The following PIGL variants were observed in gnomAD, a reference collection of about 807,000 sequenced individuals.
PIGL encodes the protein phosphatidylinositol glycan anchor biosynthesis class L.
A neutral mutation model predicts 31.1 loss-of-function variants in PIGL; 22 were observed. The ratio of observed to expected loss-of-function variants is 0.71; its 90% confidence interval spans 0.51 to 1.01. The LOEUF (loss-of-function observed/expected upper bound fraction) is 1.01. Ranked by LOEUF, PIGL falls within the 50% of genes least tolerant of loss-of-function variation. The pLI, the probability that PIGL is intolerant of heterozygous loss-of-function variation, is 0.00. For missense variants in PIGL, 302 were observed against 315.9 expected (o/e 0.96, Z 0.33); for synonymous variants, 131 against 117.4 (o/e 1.12, Z -0.75).
intron 2 of PIGL, among the ~76,000 whole-genome samples, chr17:16,270,499 A>C (rs1195124199): frequency 1.3e-5 from 2 of 152,154 alleles, no homozygotes; most frequent in East Asian, 3.9e-4. Flanking sequence ...AATTAATTTC[A>C]AATTTATTAA....
chr17:16,261,118 CAAAAA>C (rs34019457), intron 2 of PIGL, among the ~76,000 whole-genome samples: 1 of 118,922 alleles, frequency 8.4e-6, no homozygotes. Flanking sequence ...GACTCTATCT[CAAAAA>C]AAAAAAAAAA....
intron 6 of PIGL, 27 bp downstream of exon 6, chr17:16,317,935 C>G: frequency 6.4e-7 from 1 of 1,562,724 alleles, no homozygotes; most frequent in East Asian, 2.3e-5. Context: ...CCTGGACACC[C>G]CAACTCAGAT....
At chr17:16,276,447 C>T (rs7211754) in intron 2 of PIGL, among the ~76,000 whole-genome samples, 1 of 152,172 alleles carries the variant, frequency 6.6e-6, no homozygotes, top group African/African-American at 2.4e-5. Context: ...TAAGACTAGA[C>T]TCTGGCCGGG....
chr17:16,271,867 T>C (rs139210536), intron 2 of PIGL, among the ~76,000 whole-genome samples: 2 of 152,302 alleles, frequency 1.3e-5, no homozygotes, highest in East Asian at 3.9e-4. Context: ...CACTTGTTTA[T>C]CTGAAATTCA....
intron 2 of PIGL, among the ~76,000 whole-genome samples, chr17:16,277,080 C>T (rs2092899004): frequency 6.6e-6 from 1 of 152,162 alleles, no homozygotes; most frequent in African/African-American, 2.4e-5. Context: ...CTTGGGGCTC[C>T]TGGACTTGTC....
At chr17:16,288,526 CTTTTCTTT>C (rs1335458083) in intron 2 of PIGL, among the ~76,000 whole-genome samples, 2 of 145,202 alleles carry the variant, frequency 1.4e-5, no homozygotes, top group Non-Finnish European at 1.5e-5. Context: ...TTCTTTTTTT[CTTTTCTTT>C]TTTTTCTTTT....
At chr17:16,271,141 G>C (rs1364256974) in intron 2 of PIGL, among the ~76,000 whole-genome samples, 4 of 152,086 alleles carry the variant, frequency 2.6e-5, no homozygotes, top group Non-Finnish European at 4.4e-5. Flanking sequence ...CCTAAAGCTA[G>C]ACTCAAAAAT....
chr17:16,241,089 G>A lies in PIGL; in HGVS notation c.335+7019G>A, dbSNP rs28566930. ...AAATCACGCCATTGCACTTCAGCCT[G>A]GGCAACAAAAACGAAACTCCCTCTC... On this transcript the variant is annotated intron_variant, in intron 2 of 6. Transcript: ENST00000225609. 7.4e-3 allele frequency among the ~76,000 whole-genome samples: 1,053 copies of A among 142,794 alleles called. 4 individuals carry two copies. The highest frequency in any genetic ancestry group is 0.019 in the Middle Eastern group (5 of 258). The allele number at this position is 142,794 out of a possible 152,430, so 93.7% of individuals were successfully genotyped here. A position where few individuals can be genotyped will look rare whatever the true frequency, so the allele number is the denominator to read the frequency against.
intron 2 of PIGL, among the ~76,000 whole-genome samples, chr17:16,240,266 G>A (rs1286448985): frequency 6.6e-6 from 1 of 152,048 alleles, no homozygotes. Context: ...CCTCAAAAGT[G>A]GAAACTGCTA....
chr17:16,296,910 T>C (rs1445023406), intron 2 of PIGL, among the ~76,000 whole-genome samples: 1 of 151,652 alleles, frequency 6.6e-6, no homozygotes, highest in Non-Finnish European at 1.5e-5. Flanking sequence ...TTAGTAGAGA[T>C]GGGGTTTCAC....
chr17:16,316,571 T>C (rs544917321), intron 4 of PIGL, 110 bp from the exon 5 acceptor site: 1 of 1,051,442 alleles, frequency 9.5e-7, no homozygotes, highest in Non-Finnish European at 1.4e-6. Flanking sequence ...ACCTGGAGAC[T>C]CACATGGAGG....
chr17:16,321,055 A>G (rs2093103451), intron 6 of PIGL, among the ~76,000 whole-genome samples: 1 of 150,168 alleles, frequency 6.7e-6, no homozygotes, highest in Non-Finnish European at 1.5e-5. Context: ...CTCCTGCCTC[A>G]GCCTCTCAAG....
chr17:16,291,143 T>C (rs1376732929), intron 2 of PIGL, among the ~76,000 whole-genome samples: 5 of 152,212 alleles, frequency 3.3e-5, no homozygotes, highest in Non-Finnish European at 7.3e-5. Flanking sequence ...TCAGCCCCAT[T>C]AGTGCTTGTA....
chr17:16,270,057 C>T (rs963386489), intron 2 of PIGL, among the ~76,000 whole-genome samples: 6 of 151,744 alleles, frequency 4.0e-5, no homozygotes, highest in East Asian at 1.9e-4. Context: ...GAGGCCGAGG[C>T]GGGCAGATCA....
intron 2 of PIGL, among the ~76,000 whole-genome samples, chr17:16,270,562 C>T (rs2092867078): frequency 1.3e-5 from 2 of 151,694 alleles, no homozygotes; most frequent in East Asian, 1.9e-4. Flanking sequence ...TGATTGTCAG[C>T]CTCCTACCAA....
At chr17:16,277,992 G>A (rs957467172) in intron 2 of PIGL, among the ~76,000 whole-genome samples, 1 of 151,676 alleles carries the variant, frequency 6.6e-6, no homozygotes, top group Admixed American at 6.6e-5. Context: ...CTTCCTGTAT[G>A]ATTTTTATAC....
chr17:16,319,319 A>G (rs1008132744), intron 6 of PIGL, among the ~76,000 whole-genome samples: 1 of 151,864 alleles, frequency 6.6e-6, no homozygotes, highest in East Asian at 1.9e-4. Flanking sequence ...CAATTACGCC[A>G]CTGTATGTAT....
chr17:16,258,233 G>A (rs2092805250), intron 2 of PIGL, among the ~76,000 whole-genome samples: 1 of 144,522 alleles, frequency 6.9e-6, no homozygotes, highest in Non-Finnish European at 1.5e-5. Flanking sequence ...AGGCTGGAGT[G>A]CAGTGGCGTG....
chr17:16,263,104 G>GGA (rs1210665490), intron 2 of PIGL, among the ~76,000 whole-genome samples: 5 of 135,986 alleles, frequency 3.7e-5, no homozygotes, highest in Non-Finnish European at 7.9e-5. Context: ...GGGGGGGGGG[G>GGA]ATGAAAATGT....
Sources: gnomAD v4.1 joint callset for allele counts (sites outside exome capture counted in the v4.1 genomes callset) on GRCh38, gnomAD v4.1.1 for gene constraint, MANE v1.5 for transcripts, NCBI Gene and HGNC (gene_info 2026-07-23, HGNC 2026-07-21) for gene names.